Variants in KCNMA1 observed in about 807,000 individuals in gnomAD.
The protein encoded by KCNMA1 is Calcium-activated potassium channel subunit alpha-1.
A neutral mutation model predicts 140.0 loss-of-function variants in KCNMA1; 29 were observed. The observed-to-expected ratio is 0.21, with a 90% CI of 0.15 to 0.28. The LOEUF is 0.28. Ranked by LOEUF, KCNMA1 falls within the 10% of genes least tolerant of loss-of-function variation. The probability of loss-of-function intolerance (pLI) is 1.00; values close to 1 mark genes in which losing one functional copy is unlikely to be tolerated. For synonymous variants in KCNMA1, 612 were observed against 611.9 expected, an observed-to-expected ratio of 1.00 and a Z score of 0.00; for missense variants, 880 against 1,602.2, an observed-to-expected ratio of 0.55 and a Z score of 7.70.
At chr10:77,282,685 T>C (rs984253160) in intron 2 of KCNMA1, among the ~76,000 whole-genome samples, 2 of 150,586 alleles carry the variant, frequency 1.3e-5, no homozygotes, top group Non-Finnish European at 3.0e-5. Context: ...GCCCCCAGCC[T>C]CCCAGGCTCC....
intron 14 of KCNMA1, among the ~76,000 whole-genome samples, chr10:77,051,938 C>T (rs780627971): frequency 1.3e-4 from 20 of 152,174 alleles, no homozygotes; most frequent in Non-Finnish European, 2.8e-4. Context: ...GTGTTCTAAC[C>T]ATACTAAGAG....
chr10:76,946,942 T>A lies in KCNMA1; in HGVS notation c.2710-1977A>T, dbSNP rs907901714. On this transcript the variant is annotated intron_variant, in intron 22 of 27. Coordinates refer to ENST00000286628, the MANE Select transcript of KCNMA1 (RefSeq NM_001161352.2). Reference sequence around the variant, plus strand: ...TAGGTGAAGGCCCATTTTGTGAAAATCTATTGTGCTTGAGTATGTTAAATT... The same window carrying A: ...TAGGTGAAGGCCCATTTTGTGAAAAACTATTGTGCTTGAGTATGTTAAATT... Among the ~76,000 whole-genome samples the A allele has an allele frequency of 4.6e-5, 7 of 152,240 alleles. No individual in the cohort carries two copies. In the East Asian group the frequency reaches 1.4e-3, roughly 29 times the overall value.
intron 2 of KCNMA1, among the ~76,000 whole-genome samples, chr10:77,281,785 A>G (rs2068688591): frequency 6.6e-6 from 1 of 152,240 alleles, no homozygotes; most frequent in Non-Finnish European, 1.5e-5. Context: ...AAAGCCAGAC[A>G]TAAAGGATTA....
At chr10:76,977,103 C>CAACTTTCGGCTTTGTGGCAAAAGTT (rs1323962965) in intron 19 of KCNMA1, among the ~76,000 whole-genome samples, 2 of 152,146 alleles carry the variant, frequency 1.3e-5, no homozygotes, top group African/African-American at 4.8e-5. Flanking sequence ...CACCAAAAGC[C>CAACTTTCGGCTTTGTGGCAAAAGTT]AACTTTCGGC....
At chr10:77,470,857 T>C (rs985081018) in intron 1 of KCNMA1, among the ~76,000 whole-genome samples, 7 of 152,150 alleles carry the variant, frequency 4.6e-5, no homozygotes, top group African/African-American at 1.4e-4. Flanking sequence ...TCTTACTTTG[T>C]TCCTTGAGCT....
intron 2 of KCNMA1, among the ~76,000 whole-genome samples, chr10:77,344,178 T>C (rs576769180): frequency 3.3e-5 from 5 of 152,334 alleles, no homozygotes; most frequent in African/African-American, 1.2e-4. Flanking sequence ...TAAGCCTAAC[T>C]GCCTCGGCCA....
At chr10:77,017,914 A>T (rs1363399330) in intron 17 of KCNMA1, among the ~76,000 whole-genome samples, 2 of 152,182 alleles carry the variant, frequency 1.3e-5, no homozygotes, top group Non-Finnish European at 2.9e-5. Flanking sequence ...AGAACCTAGT[A>T]CCTAGAATAG....
At chr10:76,920,020 G>GTGTGTGTGTGTGTGTATA (rs1177257916) in intron 23 of KCNMA1, among the ~76,000 whole-genome samples, 1 of 34,404 alleles carries the variant, frequency 2.9e-5, no homozygotes, top group Non-Finnish European at 5.4e-5. Context: ...GTGTGTGTGT[G>GTGTGTGTGTGTGTGTATA]TATATATATA....
intron 1 of KCNMA1, among the ~76,000 whole-genome samples, chr10:77,463,292 A>T (rs2097913176): frequency 6.6e-6 from 1 of 152,168 alleles, no homozygotes; most frequent in Non-Finnish European, 1.5e-5. Flanking sequence ...AGGGCTTAGG[A>T]GACCTGCTTC....
chr10:77,080,450 GC>G (rs1236248579), intron 12 of KCNMA1, among the ~76,000 whole-genome samples: 1 of 152,152 alleles, frequency 6.6e-6, no homozygotes, highest in Non-Finnish European at 1.5e-5. Context: ...CCATTTTGGG[GC>G]TCACCTATCC....
intron 23 of KCNMA1, among the ~76,000 whole-genome samples, chr10:76,938,426 C>T (rs997149214): frequency 2.0e-5 from 3 of 152,192 alleles, no homozygotes; most frequent in Non-Finnish European, 4.4e-5. Context: ...CTAGAACCTC[C>T]CATTCTTTTT....
Position 76,886,330 on chromosome 10 carries a change from T to C in KCNMA1, c.*936A>G, listed in dbSNP as rs2036916069. 3 of 984,978 alleles carry C rather than the reference T, an allele frequency of 3.0e-6. No individual in the cohort carries two copies. In the South Asian group the frequency reaches 1.4e-4, roughly 46 times the overall value. The allele number at this position is 984,978 out of a possible 1,614,324, so 61.0% of individuals were successfully genotyped here. ...TTTATTCTGTACATAAGGTAAGTAA[T>C]TCACCTTTTAAAAGATGTAAAAGTC... On this transcript the variant is annotated 3_prime_UTR_variant, in exon 28 of 28. Transcript: ENST00000286628.
At position 77,120,925 on chromosome 10, in the gene KCNMA1, T is replaced by A. The variant is rs201048746; in HGVS notation, c.884+48A>T. Reference sequence around the variant, plus strand: ...AGCAAGCACACCTGATATTTGCAACTTGGCATAGGGGACTGGAATGAAAAA... The same window carrying A: ...AGCAAGCACACCTGATATTTGCAACATGGCATAGGGGACTGGAATGAAAAA... On this transcript the variant is annotated intron_variant, in intron 6 of 27. Coordinates refer to ENST00000286628, the MANE Select transcript of KCNMA1 (RefSeq NM_001161352.2). The A allele has an allele frequency of 1.1e-5, 11 of 1,035,802 alleles. No homozygotes were observed. In the African/African-American group the frequency reaches 1.6e-4, roughly 15 times the overall value. 64.2% of individuals were successfully genotyped at this position (1,035,802 alleles called of 1,614,324 possible).
At position 77,560,920 on chromosome 10, in the gene KCNMA1, T is replaced by C. The variant is rs749492401; in HGVS notation, c.378+76345A>G. The stretch of plus-strand genomic sequence containing the variant: ...AAACAACTAGATCTTTCTGAGCAGA[T>C]GCTTCTGCTCTTTAGGCAGGCTTCC... On this transcript the variant is annotated intron_variant, in intron 1 of 27. Coordinates refer to ENST00000286628, the MANE Select transcript of KCNMA1 (RefSeq NM_001161352.2). 2.0e-5 allele frequency among the ~76,000 whole-genome samples: 3 copies of C among 152,262 alleles called. No individual in the cohort carries two copies. The South Asian group carries it at 6.2e-4, about 32-fold the overall frequency.
intron 3 of KCNMA1, among the ~76,000 whole-genome samples, chr10:77,215,387 TTGTC>T (rs2047390848): frequency 6.8e-6 from 1 of 148,076 alleles, no homozygotes; most frequent in Non-Finnish European, 1.5e-5. Context: ...TTGTTTTGTT[TTGTC>T]TGTCTTTTAT....
intron 1 of KCNMA1, among the ~76,000 whole-genome samples, chr10:77,429,627 G>A (rs943016025): frequency 4.6e-5 from 7 of 152,058 alleles, no homozygotes; most frequent in African/African-American, 1.7e-4. Flanking sequence ...CCCCATAGTA[G>A]TCTATTAAAG....
intron 2 of KCNMA1, among the ~76,000 whole-genome samples, chr10:77,280,000 C>G (rs1490468435): frequency 6.6e-6 from 1 of 152,156 alleles, no homozygotes; most frequent in African/African-American, 2.4e-5. Context: ...CTAACACATG[C>G]CTCCCTTCGA....
intron 24 of KCNMA1, chr10:76,911,957 G>T (rs1164086364): frequency 6.6e-6 from 1 of 152,242 alleles, no homozygotes. Context: ...TCAGGAAGAT[G>T]GGGAAGGGTT....
intron 1 of KCNMA1, among the ~76,000 whole-genome samples, chr10:77,560,760 C>T (rs1228918176): frequency 6.6e-6 from 1 of 152,230 alleles, no homozygotes; most frequent in Non-Finnish European, 1.5e-5. Context: ...AGCACCCCAT[C>T]CCCCATTCCC....
Sources: allele counts gnomAD v4.1 joint callset (sites outside exome capture counted in the v4.1 genomes callset), GRCh38; gene constraint gnomAD v4.1.1; transcripts MANE v1.5; gene names NCBI Gene and HGNC (gene_info 2026-07-23, HGNC 2026-07-21).